PTPRD: variants seen among roughly 807,000 people sequenced by gnomAD.
PTPRD encodes the protein protein tyrosine phosphatase receptor type D.
A neutral mutation model predicts 214.5 loss-of-function variants in PTPRD; 34 were observed. The observed-to-expected ratio is 0.16, with a 90% confidence interval of 0.12 to 0.21. The LOEUF is 0.21. Among genes scored for constraint, PTPRD ranks in the 10% least tolerant of loss-of-function variants. PTPRD has a pLI of 1.00. For missense variants in PTPRD, 2,545 were observed against 2,398.7 expected (o/e 1.06, Z -1.27); for synonymous variants, 1,128 against 845.7 (o/e 1.33, Z -5.79).
rs144866058 is a variant in PTPRD at position 8,629,826 on chromosome 9, G to A, written c.352+3491C>T. On this transcript the variant is annotated intron_variant, in intron 14 of 45. Coordinates refer to ENST00000381196, the MANE Select transcript of PTPRD (RefSeq NM_002839.4). ...CTTCTTTCGTGAACCACACTCTATGGTATAGTTAATTGCCCAAATATCTTA... is the reference window on the plus strand; with the variant it reads ...CTTCTTTCGTGAACCACACTCTATGATATAGTTAATTGCCCAAATATCTTA... Among the ~76,000 whole-genome samples, 344 of 151,822 alleles carry A rather than the reference G, an allele frequency of 2.3e-3. 1 individual carries two copies. The highest frequency in any genetic ancestry group is 8.0e-3 in the African/African-American group (331 of 41,442).
At chr9:10,517,983 T>C (rs1414558) in intron 2 of PTPRD, among the ~76,000 whole-genome samples, 116,563 of 152,026 alleles carry the variant, frequency 0.77, 44,765 homozygotes, top group East Asian at 0.86. Flanking sequence ...AATTGGAATA[T>C]ATTGAATATG....
chr9:10,378,990 T>C (rs1225027669), intron 2 of PTPRD, among the ~76,000 whole-genome samples: 2 of 152,022 alleles, frequency 1.3e-5, no homozygotes, highest in South Asian at 4.1e-4. Context: ...CTTCAATTTC[T>C]TTCCTTGATG....
chr9:9,898,200 AAC>A (rs908360548), intron 5 of PTPRD, among the ~76,000 whole-genome samples: 56 of 152,278 alleles, frequency 3.7e-4, no homozygotes, highest in East Asian at 2.1e-3. Context: ...TTAAGAGATT[AAC>A]ACAGAAATAT....
intron 14 of PTPRD, among the ~76,000 whole-genome samples, chr9:8,611,062 A>C (rs1232342260): frequency 3.3e-5 from 5 of 152,324 alleles, no homozygotes; most frequent in Admixed American, 6.5e-5. Flanking sequence ...AGGATACTCA[A>C]AACACGTGAT....
intron 34 of PTPRD, among the ~76,000 whole-genome samples, chr9:8,441,708 C>A (rs2095552575): frequency 6.6e-6 from 1 of 151,996 alleles, no homozygotes; most frequent in South Asian, 2.1e-4. Flanking sequence ...TGGTTCATCC[C>A]CTATGGGTTC....
intron 8 of PTPRD, among the ~76,000 whole-genome samples, chr9:9,517,536 A>T (rs1472979307): frequency 6.6e-6 from 1 of 152,072 alleles, no homozygotes; most frequent in African/African-American, 2.4e-5. Context: ...ATAAACAGTT[A>T]ATGTTTCTTC....
intron 4 of PTPRD, among the ~76,000 whole-genome samples, chr9:9,973,109 G>T (rs890975746): frequency 2.6e-5 from 4 of 151,934 alleles, no homozygotes; most frequent in African/African-American, 9.7e-5. Flanking sequence ...GAAGGGAATA[G>T]TCATTTCTCT....
chr9:8,974,679 T>C (rs560907171), intron 11 of PTPRD, among the ~76,000 whole-genome samples: 1 of 152,248 alleles, frequency 6.6e-6, no homozygotes, highest in East Asian at 1.9e-4. Flanking sequence ...TTGCTTACTC[T>C]ATGTCATCTA....
At chr9:9,540,686 T>C (rs1243612601) in intron 8 of PTPRD, among the ~76,000 whole-genome samples, 1 of 151,876 alleles carries the variant, frequency 6.6e-6, no homozygotes, top group Non-Finnish European at 1.5e-5. Context: ...TATTAGGTTA[T>C]ATTACTGCAT....
chr9:9,209,815 AG>A (rs1208844545), intron 9 of PTPRD, among the ~76,000 whole-genome samples: 1 of 152,176 alleles, frequency 6.6e-6, no homozygotes, highest in African/African-American at 2.4e-5. Context: ...GCAATTAGTA[AG>A]TTAGCCTACC....
At chr9:10,147,804 C>T (rs567421464) in intron 3 of PTPRD, among the ~76,000 whole-genome samples, 3 of 152,220 alleles carry the variant, frequency 2.0e-5, no homozygotes, top group Admixed American at 6.5e-5. Context: ...TGCTTGAACC[C>T]GGGAGGCGGA....
chr9:8,900,420 A>G (rs1424700091), intron 11 of PTPRD, among the ~76,000 whole-genome samples: 2 of 152,230 alleles, frequency 1.3e-5, no homozygotes, highest in Non-Finnish European at 2.9e-5. Flanking sequence ...ATAAAATGGC[A>G]CAATCATAAA....
chr9:10,107,383 A>C (rs1378643468), intron 3 of PTPRD, among the ~76,000 whole-genome samples: 1 of 152,076 alleles, frequency 6.6e-6, no homozygotes, highest in African/African-American at 2.4e-5. Flanking sequence ...TATAAAGATC[A>C]TGCTGCATAA....
chr9:8,367,943 TAGAA>T (rs1293978789), intron 39 of PTPRD, among the ~76,000 whole-genome samples: 2 of 152,160 alleles, frequency 1.3e-5, no homozygotes, highest in African/African-American at 4.8e-5. Context: ...AATTGAGTCT[TAGAA>T]AGATTGTTTA....
chr9:9,998,571 A>G (rs375370866), intron 4 of PTPRD, among the ~76,000 whole-genome samples: 1 of 146,714 alleles, frequency 6.8e-6, no homozygotes, highest in African/African-American at 2.5e-5. Flanking sequence ...AAAAAAAAAA[A>G]TCCCTCCAAA....
At chr9:9,304,632 T>G (rs1488758303) in intron 9 of PTPRD, among the ~76,000 whole-genome samples, 1 of 151,572 alleles carries the variant, frequency 6.6e-6, no homozygotes, top group Non-Finnish European at 1.5e-5. Context: ...AATATTAGTA[T>G]CTTATTTTCT....
At chr9:10,037,803 G>C (rs2154138799) in intron 3 of PTPRD, among the ~76,000 whole-genome samples, 1 of 152,224 alleles carries the variant, frequency 6.6e-6, no homozygotes, top group East Asian at 1.9e-4. Flanking sequence ...ATTGAAGGTA[G>C]CTTTAAAGAG....
At chr9:9,492,482 TG>T (rs1242977451) in intron 8 of PTPRD, among the ~76,000 whole-genome samples, 1 of 152,154 alleles carries the variant, frequency 6.6e-6, no homozygotes, top group African/African-American at 2.4e-5. Flanking sequence ...TGTTTATTCC[TG>T]GAATGCCAAA....
intron 7 of PTPRD, among the ~76,000 whole-genome samples, chr9:9,601,223 T>G (rs1387440488): frequency 6.6e-6 from 1 of 151,526 alleles, no homozygotes; most frequent in African/African-American, 2.4e-5. Flanking sequence ...TGCTATAATA[T>G]TTGAGTTATA....
Sources: gnomAD v4.1 joint callset for allele counts (sites outside exome capture counted in the v4.1 genomes callset) on GRCh38, gnomAD v4.1.1 for gene constraint, MANE v1.5 for transcripts, NCBI Gene and HGNC (gene_info 2026-07-23, HGNC 2026-07-21) for gene names.